The following KIF13A variants were observed in gnomAD, a reference collection of about 807,000 sequenced individuals.
The protein encoded by KIF13A is kinesin family member 13A.
Under a neutral mutation model 212.2 loss-of-function variants are expected in KIF13A, and 79 were observed. The observed-to-expected ratio is 0.37, with a 90% CI of 0.31 to 0.45. KIF13A has a LOEUF of 0.45. Among genes scored for constraint, KIF13A ranks in the 20% least tolerant of loss-of-function variants. KIF13A has a pLI of 1.00. For synonymous variants in KIF13A, 789 were observed against 808.6 expected, an observed-to-expected ratio of 0.98 and a Z score of 0.41; for missense variants, 1,901 against 2,209.0, an observed-to-expected ratio of 0.86 and a Z score of 2.79.
Position 17,850,585 on chromosome 6 carries a change from G to A in KIF13A, c.583-128C>T, listed in dbSNP as rs1256818955. 4 of 864,560 alleles carry A rather than the reference G, an allele frequency of 4.6e-6. No homozygotes were observed. The East Asian group carries it at 1.1e-4, about 24-fold the overall frequency. The allele number at this position is 864,560 out of a possible 1,614,324, so 53.6% of individuals were successfully genotyped here. On this transcript the variant is annotated intron_variant, in intron 7 of 38. Transcript: ENST00000259711. The surrounding 1 kb of genome is among the most constrained non-coding windows in gnomAD (Gnocchi z 6.2). Reference sequence around the variant, plus strand: ...ACCACCCTTCCATAGAAACCTCCCTGCCGCTCCTCCATTGAGCATGGTTTG... The same window carrying A: ...ACCACCCTTCCATAGAAACCTCCCTACCGCTCCTCCATTGAGCATGGTTTG...
At chr6:17,928,108 C>G (rs922574399) in intron 2 of KIF13A, among the ~76,000 whole-genome samples, 5 of 152,166 alleles carry the variant, frequency 3.3e-5, no homozygotes, top group African/African-American at 1.2e-4. Context: ...TATCTACTTC[C>G]CAGGCTGGTT....
intron 2 of KIF13A, among the ~76,000 whole-genome samples, chr6:17,960,319 G>A (rs1237334015): frequency 6.6e-6 from 1 of 152,212 alleles, no homozygotes; most frequent in Non-Finnish European, 1.5e-5. Context: ...TGCCTTAACT[G>A]GAAACACTAA....
Position 17,839,028 on chromosome 6 carries a change from C to T in KIF13A, c.831-1445G>A, listed in dbSNP as rs1251143586. ...AGAGATGGAGTTTCACAATGTTGCC[C>T]AGGCTGGTCTTGAACTCCTGATCTC... On this transcript the variant is annotated intron_variant, in intron 9 of 38. Transcript: ENST00000259711. This position sits in a 1 kb window ranked among gnomAD's most constrained non-coding sequence, Gnocchi z 4.3. 6.6e-6 allele frequency among the ~76,000 whole-genome samples: 1 copy of T among 152,204 alleles called. No homozygotes were observed. Among genetic ancestry groups the T allele is most frequent in the East Asian group, 1.9e-4 (1 of 5,196 alleles).
rs1217134489 is a variant in KIF13A at position 17,967,536 on chromosome 6, T to C, written c.146+19518A>G. Reference sequence around the variant, plus strand: ...TAAACTTCTCTAGGGCAGAGAAAACTATCCGAAGTCTTTCTGGAAGACTGC... The same window carrying C: ...TAAACTTCTCTAGGGCAGAGAAAACCATCCGAAGTCTTTCTGGAAGACTGC... On this transcript the variant is annotated intron_variant, in intron 2 of 38. Transcript: ENST00000259711. The surrounding 1 kb of genome is among the most constrained non-coding windows in gnomAD (Gnocchi z 4.1). 6.6e-6 allele frequency among the ~76,000 whole-genome samples: 1 copy of C among 152,222 alleles called. No homozygotes were observed. Among genetic ancestry groups the C allele is most frequent in the Non-Finnish European group, 1.5e-5 (1 of 68,030 alleles).
At chr6:17,975,165 G>A (rs1182568094) in intron 2 of KIF13A, among the ~76,000 whole-genome samples, 1 of 152,110 alleles carries the variant, frequency 6.6e-6, no homozygotes, top group East Asian at 1.9e-4. Flanking sequence ...CCAACATAGT[G>A]AAACCCTATC....
chr6:17,788,728 A>G (rs1231092629), intron 26 of KIF13A, among the ~76,000 whole-genome samples: 1 of 151,382 alleles, frequency 6.6e-6, no homozygotes, highest in Non-Finnish European at 1.5e-5. Flanking sequence ...GTGTACCCAC[A>G]TTTTTTTTTC....
intron 20 of KIF13A, among the ~76,000 whole-genome samples, chr6:17,802,746 G>A (rs1483795583): frequency 2.0e-5 from 3 of 151,882 alleles, no homozygotes; most frequent in Admixed American, 6.6e-5. Flanking sequence ...CATGTTAACT[G>A]TGCTTTTTCT....
intron 9 of KIF13A, among the ~76,000 whole-genome samples, chr6:17,840,426 G>C (rs191269379): frequency 6.6e-6 from 1 of 152,064 alleles, no homozygotes; most frequent in African/African-American, 2.4e-5. Context: ...TTTTTGATTG[G>C]AAACAATTCT....
At chr6:17,952,112 G>A (rs1191445748) in intron 2 of KIF13A, among the ~76,000 whole-genome samples, 2 of 151,834 alleles carry the variant, frequency 1.3e-5, no homozygotes, top group Admixed American at 1.3e-4. Flanking sequence ...GACCATGCTG[G>A]TTAACATGGT....
At chr6:17,960,791 G>C (rs1318360563) in intron 2 of KIF13A, among the ~76,000 whole-genome samples, 6 of 152,172 alleles carry the variant, frequency 3.9e-5, no homozygotes. Flanking sequence ...ATATAGTAGT[G>C]CAGGAGAAAC....
intron 2 of KIF13A, among the ~76,000 whole-genome samples, chr6:17,949,326 T>C (rs1189251688): frequency 6.6e-6 from 1 of 152,194 alleles, no homozygotes; most frequent in Non-Finnish European, 1.5e-5. Flanking sequence ...GAAGGCTCTG[T>C]TTAATATTTA....
At chr6:17,808,031 C>T (rs1435748923) in intron 18 of KIF13A, among the ~76,000 whole-genome samples, 1 of 152,148 alleles carries the variant, frequency 6.6e-6, no homozygotes, top group Non-Finnish European at 1.5e-5. Context: ...CAAAGAGAGC[C>T]GTGTATTTGA....
chr6:17,774,156 T>C (rs1055244466), intron 35 of KIF13A, among the ~76,000 whole-genome samples: 7 of 152,222 alleles, frequency 4.6e-5, no homozygotes, highest in Admixed American at 1.3e-4. Context: ...CAGGAGTTGA[T>C]TGCCTCTGAA....
Position 17,900,947 on chromosome 6 carries a change from G to A in KIF13A, c.147-2767C>T, listed in dbSNP as rs766623017. ...CAAAAAATTAGCCGGGCGTGGTGGC[G>A]GGTGCCTGTAGTCCCAGCTACTTGG... On this transcript the variant is annotated intron_variant, in intron 2 of 38. Coordinates refer to ENST00000259711, the MANE Select transcript of KIF13A (RefSeq NM_022113.6). The surrounding 1 kb of genome is among the most constrained non-coding windows in gnomAD (Gnocchi z 4.6). Among the ~76,000 whole-genome samples the A allele has an allele frequency of 1.8e-4, 27 of 151,900 alleles. No individual in the cohort carries two copies. The highest frequency in any genetic ancestry group is 2.9e-4 in the Non-Finnish European group (20 of 67,942).
At position 17,794,506 on chromosome 6, in the gene KIF13A, A is replaced by C; in HGVS notation, c.3075+66T>G. On this transcript the variant is annotated intron_variant, in intron 24 of 38. Coordinates refer to ENST00000259711, the MANE Select transcript of KIF13A (RefSeq NM_022113.6). The surrounding 1 kb of genome is among the most constrained non-coding windows in gnomAD (Gnocchi z 4.1). The stretch of plus-strand genomic sequence containing the variant: ...AGATACAAATAGTTAGAAAATCCCC[A>C]GAAACAATGTGTAAGAGTGGAACAG... 6.4e-7 allele frequency: 1 copy of C among 1,563,086 alleles called. No individual in the cohort carries two copies. Among genetic ancestry groups the C allele is most frequent in the East Asian group, 2.2e-5 (1 of 44,490 alleles).
chr6:17,791,435 C>T (rs559433813), intron 25 of KIF13A, among the ~76,000 whole-genome samples: 226 of 149,202 alleles, frequency 1.5e-3, no homozygotes, highest in Non-Finnish European at 2.7e-3. Context: ...ACTTAACAGA[C>T]GTGACCTGGA....
intron 18 of KIF13A, among the ~76,000 whole-genome samples, chr6:17,808,183 C>T (rs1182234020): frequency 1.3e-5 from 2 of 152,180 alleles, no homozygotes; most frequent in Non-Finnish European, 2.9e-5. Context: ...CCCAGGAGTT[C>T]AAGACTAGCC....
chr6:17,833,962 T>A lies in KIF13A; in HGVS notation c.1265A>T (p.Gln422Leu). 6.6e-7 allele frequency: 1 copy of A among 1,507,176 alleles called. No homozygotes were observed. Among genetic ancestry groups the A allele is most frequent in the Non-Finnish European group, 9.0e-7 (1 of 1,110,524 alleles). The allele number at this position is 1,507,176 out of a possible 1,614,324, so 93.4% of individuals were successfully genotyped here. The change falls in exon 12 of 39, where the codon CAG becomes CTG. Residue 422 changes from glutamine (Q) to leucine (L), a missense_variant and splice_region_variant. Gln to Leu is a moderately radical substitution (Grantham distance 113, BLOSUM62 -2). Around this residue, in one of 5 missense-constraint regions of KIF13A, gnomAD observed 506 missense variants for 637.4 expected, o/e 0.79. Coordinates refer to ENST00000259711, the MANE Select transcript of KIF13A (RefSeq NM_022113.6). Reference sequence around the variant, plus strand: ...TTTAGGGCTAAATTATCAAGCTACCTGTGCTATCTCTTCTGTTTTTCTCAG... The same window carrying A: ...TTTAGGGCTAAATTATCAAGCTACCAGTGCTATCTCTTCTGTTTTTCTCAG... ...EKLRKTEEIA[Q>L]ERQRQLESMG...
chr6:17,969,230 C>T (rs1282071919), intron 2 of KIF13A, among the ~76,000 whole-genome samples: 1 of 152,328 alleles, frequency 6.6e-6, no homozygotes, highest in African/African-American at 2.4e-5. Flanking sequence ...AGATTCTTCA[C>T]GGACATTGAA....
Sources: gnomAD v4.1 joint callset for allele counts (sites outside exome capture counted in the v4.1 genomes callset) on GRCh38, gnomAD v4.1.1 for gene constraint, gnomAD v4.1.1 regional missense constraint, Gnocchi (gnomAD v3.1) non-coding constraint, MANE v1.5 for transcripts, NCBI Gene and HGNC (gene_info 2026-07-23, HGNC 2026-07-21) for gene names.